DSCAM: variants seen among roughly 807,000 people sequenced by gnomAD.
DSCAM encodes the protein DS cell adhesion molecule.
A neutral mutation model predicts 217.7 loss-of-function variants in DSCAM; 47 were observed. The ratio of observed to expected loss-of-function variants is 0.22; its 90% CI spans 0.17 to 0.28. The LOEUF (loss-of-function observed/expected upper bound fraction) is 0.28. Ranked by LOEUF, DSCAM falls within the 10% of genes least tolerant of loss-of-function variation. The pLI is 1.00. For missense variants in DSCAM, 2,080 were observed against 2,618.3 expected (o/e 0.79, Z 4.49); for synonymous variants, 1,056 against 1,015.3 (o/e 1.04, Z -0.76).
At chr21:40,186,668 T>C (rs1402253115) in intron 14 of DSCAM, among the ~76,000 whole-genome samples, 1 of 152,198 alleles carries the variant, frequency 6.6e-6, no homozygotes, top group Non-Finnish European at 1.5e-5. Context: ...TTCCTTTTTC[T>C]GCACCAACCA....
chr21:40,587,460 T>C (rs929842471), intron 3 of DSCAM, among the ~76,000 whole-genome samples: 8 of 152,246 alleles, frequency 5.3e-5, no homozygotes, highest in African/African-American at 1.9e-4. Context: ...AAAAAAATGG[T>C]GTGTACCCCG....
intron 3 of DSCAM, among the ~76,000 whole-genome samples, chr21:40,547,872 C>A (rs554783928): frequency 1.3e-5 from 2 of 152,282 alleles, no homozygotes; most frequent in South Asian, 4.1e-4. Flanking sequence ...GGGAGCAAGA[C>A]GAAGGCAGGC....
intron 16 of DSCAM, among the ~76,000 whole-genome samples, chr21:40,154,291 C>CA (rs1367032207): frequency 6.6e-6 from 1 of 151,512 alleles, no homozygotes; most frequent in Non-Finnish European, 1.5e-5. Context: ...CTCACTCTGT[C>CA]ACCCATGCTG....
At chr21:40,225,149 A>G (rs1306727963) in intron 11 of DSCAM, among the ~76,000 whole-genome samples, 1 of 152,216 alleles carries the variant, frequency 6.6e-6, no homozygotes, top group Non-Finnish European at 1.5e-5. Flanking sequence ...GCCCATTCTC[A>G]GACTCAGATC....
intron 1 of DSCAM, among the ~76,000 whole-genome samples, chr21:40,817,956 C>T (rs950402949): frequency 6.6e-5 from 10 of 150,554 alleles, no homozygotes; most frequent in African/African-American, 1.2e-4. Flanking sequence ...ATTAGCCGGG[C>T]GCGGTGGCGG....
At chr21:40,780,445 A>ATATATATATATATATATATATC (rs1170620350) in intron 1 of DSCAM, among the ~76,000 whole-genome samples, 6 of 142,324 alleles carry the variant, frequency 4.2e-5, no homozygotes, top group Admixed American at 7.2e-5. Flanking sequence ...ATATATATAT[A>ATATATATATATATATATATATC]TATCTCCTGT....
chr21:40,050,521 C>T (rs1017291508), intron 30 of DSCAM, among the ~76,000 whole-genome samples: 10 of 151,102 alleles, frequency 6.6e-5, no homozygotes, highest in African/African-American at 2.4e-4. Flanking sequence ...CTCGCTCTGT[C>T]GTCCAGGCTG....
At chr21:40,780,543 T>C (rs1214690016) in intron 1 of DSCAM, among the ~76,000 whole-genome samples, 1 of 151,314 alleles carries the variant, frequency 6.6e-6, no homozygotes, top group Non-Finnish European at 1.5e-5. Context: ...CCCCACAAAA[T>C]TCATGTGTTG....
At chr21:40,523,888 C>T (rs932239292) in intron 3 of DSCAM, among the ~76,000 whole-genome samples, 1 of 152,096 alleles carries the variant, frequency 6.6e-6, no homozygotes, top group Non-Finnish European at 1.5e-5. Flanking sequence ...CCACAGCCTG[C>T]CTGTCTGTAT....
rs762427719 is a variant in DSCAM at position 40,339,548 on chromosome 21, T to C, written c.1211-133A>G. Reference sequence around the variant, plus strand: ...TACCAAAAAGGTCTGGTTTTCCTGATAAAGCAAAACGTTAATCAGAACAAG... The same window carrying C: ...TACCAAAAAGGTCTGGTTTTCCTGACAAAGCAAAACGTTAATCAGAACAAG... On this transcript the variant is annotated intron_variant, in intron 6 of 32. Transcript: ENST00000400454. 6.3e-5 allele frequency: 57 copies of C among 901,798 alleles called. No individual in the cohort carries two copies. The South Asian group carries it at 9.8e-4, about 16-fold the overall frequency. 55.9% of individuals were successfully genotyped at this position (901,798 alleles called of 1,614,324 possible).
intron 1 of DSCAM, among the ~76,000 whole-genome samples, chr21:40,757,805 C>T (rs734572): frequency 0.67 from 101,561 of 152,046 alleles, 34,217 homozygotes; most frequent in Admixed American, 0.74. Flanking sequence ...CATCAAGTCT[C>T]GATTGAATCC....
intron 3 of DSCAM, among the ~76,000 whole-genome samples, chr21:40,664,640 A>G (rs1409409970): frequency 3.3e-5 from 5 of 152,220 alleles, no homozygotes; most frequent in Non-Finnish European, 5.9e-5. Context: ...ACTGGGAGCC[A>G]CTGTCCATTG....
At chr21:40,192,045 A>C (rs2090957546) in intron 11 of DSCAM, among the ~76,000 whole-genome samples, 1 of 152,208 alleles carries the variant, frequency 6.6e-6, no homozygotes, top group African/African-American at 2.4e-5. Flanking sequence ...AACCCATTAC[A>C]AATATATTTA....
chr21:40,837,434 T>C (rs2092066122), intron 1 of DSCAM, among the ~76,000 whole-genome samples: 1 of 152,044 alleles, frequency 6.6e-6, no homozygotes, highest in African/African-American at 2.4e-5. Flanking sequence ...CACCTCGAGG[T>C]CCACATTTTT....
intron 1 of DSCAM, among the ~76,000 whole-genome samples, chr21:40,816,662 T>C (rs1206991541): frequency 6.6e-6 from 1 of 152,196 alleles, no homozygotes; most frequent in Non-Finnish European, 1.5e-5. Flanking sequence ...TGCTGCGATC[T>C]GCAATAGAGA....
chr21:40,707,190 G>A (rs1270188535), intron 2 of DSCAM, among the ~76,000 whole-genome samples: 1 of 152,210 alleles, frequency 6.6e-6, no homozygotes, highest in African/African-American at 2.4e-5. Context: ...TTCCCTATAA[G>A]TGGTGTTTTG....
intron 32 of DSCAM, among the ~76,000 whole-genome samples, chr21:40,018,234 T>C (rs1256669425): frequency 6.6e-6 from 1 of 152,260 alleles, no homozygotes; most frequent in Non-Finnish European, 1.5e-5. Context: ...TCAATACACC[T>C]TAATTGACCA....
intron 3 of DSCAM, among the ~76,000 whole-genome samples, chr21:40,446,891 GCC>G (rs1312330584): frequency 3.3e-5 from 5 of 152,188 alleles, no homozygotes; most frequent in Non-Finnish European, 2.9e-5. Context: ...GACAGGGCCA[GCC>G]CCAAATGCAG....
At chr21:40,428,680 C>T (rs2075500547) in intron 3 of DSCAM, among the ~76,000 whole-genome samples, 1 of 152,172 alleles carries the variant, frequency 6.6e-6, no homozygotes, top group Middle Eastern at 3.4e-3. Context: ...ACAGGATATG[C>T]AAATTTACTA....
Sources: allele counts gnomAD v4.1 joint callset (sites outside exome capture counted in the v4.1 genomes callset), GRCh38; gene constraint gnomAD v4.1.1; transcripts MANE v1.5; gene names NCBI Gene and HGNC (gene_info 2026-07-23, HGNC 2026-07-21).